Variants in BORCS5 observed in about 807,000 individuals in gnomAD.
The protein encoded by BORCS5 is BLOC-1 related complex subunit 5.
In BORCS5, 17 loss-of-function variants were observed where a neutral mutation model predicts 22.1. The observed-to-expected ratio is 0.77, with a 90% CI of 0.53 to 1.15. The LOEUF (loss-of-function observed/expected upper bound fraction) is 1.15. Ranked by LOEUF, BORCS5 falls within the 50% of genes most tolerant of loss-of-function variation. BORCS5 has a pLI of 0.00. For synonymous variants in BORCS5, 117 were observed against 99.8 expected, an observed-to-expected ratio of 1.17 and a Z score of -1.03; for missense variants, 247 against 253.2, an observed-to-expected ratio of 0.98 and a Z score of 0.17.
At chr12:12,430,552 G>T (rs967316268) in intron 2 of BORCS5, among the ~76,000 whole-genome samples, 1 of 152,080 alleles carries the variant, frequency 6.6e-6, no homozygotes, top group African/African-American at 2.4e-5. Context: ...GGGTGAAGAA[G>T]GGAGAACTGC....
At chr12:12,370,393 G>A (rs934119994) in intron 2 of BORCS5, among the ~76,000 whole-genome samples, 3 of 151,978 alleles carry the variant, frequency 2.0e-5, no homozygotes, top group Non-Finnish European at 4.4e-5. Flanking sequence ...ATTTTTTGGT[G>A]TAATTACTAA....
At chr12:12,436,397 T>G (rs1265914858) in intron 3 of BORCS5, among the ~76,000 whole-genome samples, 2 of 152,212 alleles carry the variant, frequency 1.3e-5, no homozygotes, top group Non-Finnish European at 2.9e-5. Flanking sequence ...TCTCAGTAAA[T>G]AGGTACTTCC....
intron 2 of BORCS5, among the ~76,000 whole-genome samples, chr12:12,407,898 C>T (rs948744303): frequency 7.2e-5 from 11 of 151,862 alleles, no homozygotes; most frequent in African/African-American, 1.7e-4. Context: ...TTTGTAGAGA[C>T]GGGGTTTCAC....
At chr12:12,383,719 G>A (rs1490909771) in intron 2 of BORCS5, among the ~76,000 whole-genome samples, 4 of 150,548 alleles carry the variant, frequency 2.7e-5, no homozygotes, top group East Asian at 1.9e-4. Flanking sequence ...TGTTTCAGAC[G>A]AGTTGCTTTT....
chr12:12,434,299 A>G (rs1056087408), intron 2 of BORCS5, among the ~76,000 whole-genome samples: 7 of 151,676 alleles, frequency 4.6e-5, no homozygotes, highest in Non-Finnish European at 8.8e-5. Flanking sequence ...AAAAAAAAAA[A>G]AAAAAGCTTT....
chr12:12,467,020 C>G lies in BORCS5; in HGVS notation c.*1244C>G, dbSNP rs1283576089. ...CATAGCACACTGACTCCTCAAACTC[C>G]CGGGCTCCGGGGATCCTCACGCCTC... On this transcript the variant is annotated 3_prime_UTR_variant, in exon 4 of 4. Coordinates refer to ENST00000314565, the MANE Select transcript of BORCS5 (RefSeq NM_058169.6). The G allele has an allele frequency of 1.3e-5, 2 of 152,180 alleles. No individual in the cohort carries two copies. The highest frequency in any genetic ancestry group is 2.9e-5 in the Non-Finnish European group (2 of 68,042). 9.4% of individuals were successfully genotyped at this position (152,180 alleles called of 1,614,324 possible).
intron 2 of BORCS5, among the ~76,000 whole-genome samples, chr12:12,432,626 G>T (rs1189104880): frequency 6.6e-6 from 1 of 152,162 alleles, no homozygotes; most frequent in Non-Finnish European, 1.5e-5. Context: ...CAGTCCAAAT[G>T]TCCTCCAATG....
chr12:12,418,438 C>A (rs980918149), intron 2 of BORCS5, among the ~76,000 whole-genome samples: 1 of 152,136 alleles, frequency 6.6e-6, no homozygotes, highest in Admixed American at 6.5e-5. Flanking sequence ...ATAATCCCAG[C>A]ACTTTGAGAG....
At chr12:12,457,899 G>T (rs1210695468) in intron 3 of BORCS5, among the ~76,000 whole-genome samples, 2 of 152,216 alleles carry the variant, frequency 1.3e-5, no homozygotes, top group Admixed American at 6.5e-5. Flanking sequence ...TACAGCCTCA[G>T]TGGGCATCAG....
chr12:12,374,198 A>T (rs1328841942), intron 2 of BORCS5, among the ~76,000 whole-genome samples: 2 of 151,292 alleles, frequency 1.3e-5, no homozygotes, highest in Non-Finnish European at 2.9e-5. Context: ...TCACTGTGTT[A>T]GCCAGGATGG....
At chr12:12,440,652 G>T (rs996231087) in intron 3 of BORCS5, among the ~76,000 whole-genome samples, 1 of 151,898 alleles carries the variant, frequency 6.6e-6, no homozygotes, top group African/African-American at 2.4e-5. Context: ...GAAGAGGGGG[G>T]CATTGCTGCA....
chr12:12,385,767 C>T (rs556311644), intron 2 of BORCS5, among the ~76,000 whole-genome samples: 2 of 151,416 alleles, frequency 1.3e-5, no homozygotes, highest in South Asian at 4.2e-4. Flanking sequence ...CTCGGCCTCC[C>T]CAAGTGTTGG....
At chr12:12,368,156 T>C (rs1286999488) in intron 2 of BORCS5, among the ~76,000 whole-genome samples, 1 of 152,188 alleles carries the variant, frequency 6.6e-6, no homozygotes, top group African/African-American at 2.4e-5. Flanking sequence ...TTTTCATGCT[T>C]GAAGTTTTTT....
At chr12:12,452,280 A>G (rs1206097238) in intron 3 of BORCS5, 5 of 784,084 alleles carry the variant, frequency 6.4e-6, no homozygotes, top group Admixed American at 3.7e-5. Flanking sequence ...TTGTGTAACA[A>G]TCCCATTCAT....
chr12:12,450,863 A>T (rs1942895024), intron 3 of BORCS5, among the ~76,000 whole-genome samples: 1 of 152,094 alleles, frequency 6.6e-6, no homozygotes, highest in South Asian at 2.1e-4. Context: ...ATGTATGTAA[A>T]CTGCACAGTA....
At chr12:12,358,461 G>C (rs1863197853) in intron 1 of BORCS5, among the ~76,000 whole-genome samples, 1 of 152,180 alleles carries the variant, frequency 6.6e-6, no homozygotes, top group Admixed American at 6.5e-5. Flanking sequence ...TACTAGCTTT[G>C]CTACGTTTTT....
At chr12:12,393,183 C>T (rs992964189) in intron 2 of BORCS5, among the ~76,000 whole-genome samples, 2 of 151,934 alleles carry the variant, frequency 1.3e-5, no homozygotes, top group Non-Finnish European at 2.9e-5. Flanking sequence ...TGCAGTGAGC[C>T]GAGATTGTGC....
chr12:12,467,311 A>G lies in BORCS5; in HGVS notation c.*1535A>G, dbSNP rs1453998455. On this transcript the variant is annotated 3_prime_UTR_variant, in exon 4 of 4. Transcript: ENST00000314565. ...GTTTACAGAGCTACAAAAATAGCTTAGGTGCCATTATCCTCACTGCACTTA... is the reference window on the plus strand; with the variant it reads ...GTTTACAGAGCTACAAAAATAGCTTGGGTGCCATTATCCTCACTGCACTTA... 1 of 152,264 alleles carries G rather than the reference A, an allele frequency of 6.6e-6. No individual in the cohort carries two copies. The highest frequency in any genetic ancestry group is 1.5e-5 in the Non-Finnish European group (1 of 68,068). The allele number at this position is 152,264 out of a possible 1,614,324, so 9.4% of individuals were successfully genotyped here.
At chr12:12,423,933 GC>G (rs1210918604) in intron 2 of BORCS5, among the ~76,000 whole-genome samples, 24 of 152,046 alleles carry the variant, frequency 1.6e-4, no homozygotes, top group Admixed American at 4.6e-4. Flanking sequence ...CAAGTGATCT[GC>G]CCACCTTGGC....
Sources: gnomAD v4.1 joint callset for allele counts (sites outside exome capture counted in the v4.1 genomes callset) on GRCh38, gnomAD v4.1.1 for gene constraint, MANE v1.5 for transcripts, NCBI Gene and HGNC (gene_info 2026-07-23, HGNC 2026-07-21) for gene names.